The following NRXN3 variants were observed in gnomAD, a reference collection of about 807,000 sequenced individuals.
NRXN3 encodes the protein neurexin 3, also known as neurexin III.
NRXN3 carries 32 observed loss-of-function variants against 137.6 expected under a neutral mutation model. That is an observed-to-expected ratio of 0.23 (90% CI 0.18 to 0.31). NRXN3 has a LOEUF of 0.31. Ranked by LOEUF, NRXN3 falls within the 10% of genes least tolerant of loss-of-function variation. The pLI is 1.00. For missense variants in NRXN3, 1,574 were observed against 2,062.5 expected, an observed-to-expected ratio of 0.76 and a Z score of 4.59; for synonymous variants, 798 against 784.5, an observed-to-expected ratio of 1.02 and a Z score of -0.29.
chr14:78,215,758 TG>T (rs1204089220), intron 1 of NRXN3, among the ~76,000 whole-genome samples: 1 of 60,608 alleles, frequency 1.6e-5, no homozygotes, highest in East Asian at 5.5e-4. Flanking sequence ...GTTTCGTTTG[TG>T]CTGCAGGGGG....
chr14:78,784,066 A>G lies in NRXN3; in HGVS notation c.2045-19554A>G, dbSNP rs984092810. ...AGAAGAAGTCAGATAACACATGAGAAAAAAAAAAAAAAAAACAACACCAAA... is the reference window on the plus strand; with the variant it reads ...AGAAGAAGTCAGATAACACATGAGAGAAAAAAAAAAAAAAACAACACCAAA... On this transcript the variant is annotated intron_variant, in intron 8 of 20. Coordinates refer to ENST00000335750, the MANE Select transcript of NRXN3 (RefSeq NM_001330195.2). 1.3e-4 allele frequency among the ~76,000 whole-genome samples: 9 copies of G among 68,586 alleles called. 1 individual carries two copies. The highest frequency in any genetic ancestry group is 8.9e-4 in the South Asian group (2 of 2,258). The allele number at this position is 68,586 out of a possible 152,430, so 45.0% of individuals were successfully genotyped here.
rs935951095 is a variant in NRXN3, at chr14:78,988,155, C to A, written c.3262+14C>A. On this transcript the variant is annotated intron_variant, in intron 15 of 20. Coordinates refer to ENST00000335750, the MANE Select transcript of NRXN3 (RefSeq NM_001330195.2). ...AGTGCAATGATCGTAAGTACAACAACCTTTCATACTGGAACTTTGTGAAGA... is the reference window on the plus strand; with the variant it reads ...AGTGCAATGATCGTAAGTACAACAAACTTTCATACTGGAACTTTGTGAAGA... 2 of 1,613,530 alleles carry A rather than the reference C, an allele frequency of 1.2e-6. No individual in the cohort carries two copies.
At chr14:79,349,291 G>A (rs1300485493) in intron 15 of NRXN3, among the ~76,000 whole-genome samples, 1 of 150,954 alleles carries the variant, frequency 6.6e-6, no homozygotes, top group Non-Finnish European at 1.5e-5. Context: ...TAAGGTCTCC[G>A]GAATCTTTAA....
chr14:78,943,864 T>C (rs1567779694), intron 10 of NRXN3, among the ~76,000 whole-genome samples: 1 of 149,462 alleles, frequency 6.7e-6, no homozygotes, highest in African/African-American at 2.5e-5. Flanking sequence ...ATTTTAGACC[T>C]GGTTTTCAAG....
intron 15 of NRXN3, chr14:79,247,252 G>A (rs993153965): frequency 6.6e-6 from 1 of 152,020 alleles, no homozygotes; most frequent in Non-Finnish European, 1.5e-5. Context: ...AATGGAAGAT[G>A]CGTTACCAAA....
At position 78,497,576 on chromosome 14, in the gene NRXN3, GTCCATTCATCCATCCATCCATCCA is replaced by G. The variant is rs1384324944; in HGVS notation, c.758-147538_758-147515del. ...GTGTAGTAAATCCATTAATCTGTCTGTCCATTCATCCATCCATCCATCCATCCATCCATCCATCCATCCATCCAT... is the reference window on the plus strand; with the variant it reads ...GTGTAGTAAATCCATTAATCTGTCTGTCCATCCATCCATCCATCCATCCAT... On this transcript the variant is annotated intron_variant, in intron 4 of 20. Transcript: ENST00000335750. 9.3e-5 allele frequency among the ~76,000 whole-genome samples: 14 copies of G among 149,770 alleles called. No homozygotes were observed. The East Asian group carries it at 2.8e-3, about 30-fold the overall frequency.
chr14:78,401,489 A>C (rs1304807247), intron 4 of NRXN3, among the ~76,000 whole-genome samples: 1 of 152,120 alleles, frequency 6.6e-6, no homozygotes, highest in Non-Finnish European at 1.5e-5. Flanking sequence ...TAATACCATC[A>C]CAATGAGGAT....
intron 4 of NRXN3, among the ~76,000 whole-genome samples, chr14:78,584,170 G>T (rs1439811887): frequency 1.3e-5 from 2 of 152,102 alleles, no homozygotes; most frequent in African/African-American, 4.8e-5. Context: ...GACATCTCCT[G>T]TATGTGGACC....
intron 15 of NRXN3, among the ~76,000 whole-genome samples, chr14:79,310,081 C>T (rs1415492452): frequency 8.2e-6 from 1 of 122,172 alleles, no homozygotes; most frequent in Non-Finnish European, 1.6e-5. Flanking sequence ...ACGTTTAAAT[C>T]TTTAATCCAT....
intron 4 of NRXN3, among the ~76,000 whole-genome samples, chr14:78,330,447 G>A (rs981911138): frequency 6.6e-6 from 1 of 152,074 alleles, no homozygotes; most frequent in South Asian, 2.1e-4. Flanking sequence ...GGTGGGCTTG[G>A]TACACTGTTC....
chr14:79,756,265 A>G (rs1294942205), intron 19 of NRXN3, among the ~76,000 whole-genome samples: 1 of 152,170 alleles, frequency 6.6e-6, no homozygotes. Flanking sequence ...ATTCTCAAAC[A>G]TACTCAGATA....
chr14:79,316,347 A>G (rs2088664410), intron 15 of NRXN3, among the ~76,000 whole-genome samples: 1 of 152,082 alleles, frequency 6.6e-6, no homozygotes, highest in South Asian at 2.1e-4. Context: ...AGCTGTGGAG[A>G]TTGTTTAGCC....
At chr14:79,379,883 T>G (rs1599439026) in intron 15 of NRXN3, among the ~76,000 whole-genome samples, 1 of 152,252 alleles carries the variant, frequency 6.6e-6, no homozygotes, top group East Asian at 1.9e-4. Context: ...CATACCTTGT[T>G]GTTATTCCTT....
At chr14:79,739,473 G>A (rs12590090) in intron 19 of NRXN3, among the ~76,000 whole-genome samples, 18,933 of 151,250 alleles carry the variant, frequency 0.13, 1,357 homozygotes, top group Middle Eastern at 0.21. Flanking sequence ...GGTGAAACCC[G>A]TCTCTACTAA....
At chr14:79,480,008 G>C (rs755586622) in intron 16 of NRXN3, among the ~76,000 whole-genome samples, 1 of 152,062 alleles carries the variant, frequency 6.6e-6, no homozygotes, top group Admixed American at 6.6e-5. Context: ...GATTAAAAAC[G>C]CTAAATGATC....
chr14:79,631,028 C>T (rs1377087076), intron 16 of NRXN3, among the ~76,000 whole-genome samples: 1 of 152,120 alleles, frequency 6.6e-6, no homozygotes, highest in Non-Finnish European at 1.5e-5. Flanking sequence ...AACTAACAAC[C>T]GTTGTGTAAT....
chr14:79,259,709 TACACACACACACACAC>T (rs71131688), intron 15 of NRXN3, among the ~76,000 whole-genome samples: 8 of 139,742 alleles, frequency 5.7e-5, no homozygotes, highest in African/African-American at 2.1e-4. Context: ...TATAGTTTTA[TACACACACACACACAC>T]ACACACACAC....
At chr14:79,624,791 G>GTTTTT (rs56285610) in intron 16 of NRXN3, among the ~76,000 whole-genome samples, 11 of 121,018 alleles carry the variant, frequency 9.1e-5, no homozygotes, top group African/African-American at 4.0e-4. Flanking sequence ...TTTCTTTCCC[G>GTTTTT]TTTTTTTTTT....
chr14:79,659,114 G>A (rs770728332), intron 16 of NRXN3, among the ~76,000 whole-genome samples: 4 of 152,134 alleles, frequency 2.6e-5, no homozygotes, highest in Admixed American at 2.0e-4. Context: ...TGGGGAGCCA[G>A]GTGGGCTTAT....
Sources: allele counts gnomAD v4.1 joint callset (sites outside exome capture counted in the v4.1 genomes callset), GRCh38; gene constraint gnomAD v4.1.1; transcripts MANE v1.5; gene names NCBI Gene and HGNC (gene_info 2026-07-23, HGNC 2026-07-21).